Variants in PPFIA4 observed in about 807,000 individuals in gnomAD.
PPFIA4 encodes the protein liprin-alpha-4.
A neutral mutation model predicts 145.7 loss-of-function variants in PPFIA4; 98 were observed. The observed-to-expected ratio is 0.67, with a 90% CI of 0.57 to 0.80. The LOEUF (loss-of-function observed/expected upper bound fraction) is 0.80, where lower values mean the gene tolerates loss of function less well. PPFIA4 is among the 30% of genes least tolerant of loss of function. The pLI, the probability that PPFIA4 is intolerant of heterozygous loss-of-function variation, is 0.00. For missense variants in PPFIA4, 1,457 were observed against 1,632.7 expected (o/e 0.89, Z 1.85); for synonymous variants, 628 against 649.6 (o/e 0.97, Z 0.51).
rs1348912801 is a variant in PPFIA4 at position 203,026,838 on chromosome 1, TA to T, written c.-400+210del. Among the ~76,000 whole-genome samples the T allele has an allele frequency of 4.6e-5, 7 of 152,238 alleles. 1 individual carries two copies. Among genetic ancestry groups the T allele is most frequent in the African/African-American group, 1.7e-4 (7 of 41,566 alleles). Reference sequence around the variant, plus strand: ...TGCCCTGTGCCCTTGGGGGTGAGGATAGGGGCGATGCCTGATCTGCGGGGAG... The same window carrying T: ...TGCCCTGTGCCCTTGGGGGTGAGGATGGGGCGATGCCTGATCTGCGGGGAG... On this transcript the variant is annotated intron_variant, in intron 1 of 29. Transcript: ENST00000295706.
At chr1:203,040,007 G>A (rs1340952654) in intron 2 of PPFIA4, among the ~76,000 whole-genome samples, 1 of 152,236 alleles carries the variant, frequency 6.6e-6, no homozygotes, top group African/African-American at 2.4e-5. Flanking sequence ...TGGCCTGGGA[G>A]CTCCCTGCTG....
rs1662575287 is a variant in PPFIA4, at chr1:203,076,679, G to A, written c.*289G>A. On this transcript the variant is annotated 3_prime_UTR_variant, in exon 30 of 30. Coordinates refer to ENST00000295706, the MANE Select transcript of PPFIA4 (RefSeq NM_001304331.2). The stretch of plus-strand genomic sequence containing the variant: ...GGGGAAGGAGAGAAGGGCAGCTCAG[G>A]GTGGATGTGAAGCCACCCTTCCTCT... The A allele has an allele frequency of 1.0e-5, 5 of 494,978 alleles. No individual in the cohort carries two copies. The South Asian group carries it at 1.1e-4, about 11-fold the overall frequency. The allele number at this position is 494,978 out of a possible 1,614,324, so 30.7% of individuals were successfully genotyped here.
intron 1 of PPFIA4, among the ~76,000 whole-genome samples, chr1:203,033,474 C>G (rs1204759087): frequency 6.6e-6 from 1 of 152,172 alleles, no homozygotes; most frequent in Non-Finnish European, 1.5e-5. Context: ...CCGAGTTTTG[C>G]TGGGTGCTGA....
At chr1:203,035,214 TGAATAGCCCCTCA>T (rs1442440065) in intron 1 of PPFIA4, 1 of 441,946 alleles carries the variant, frequency 2.3e-6, no homozygotes, top group East Asian at 7.1e-5. Flanking sequence ...TTTGCCCAGC[TGAATAGCCCCTCA>T]GACGCTCCTA....
chr1:203,077,263 C>G lies in PPFIA4; in HGVS notation c.*873C>G, dbSNP rs1418572827. On this transcript the variant is annotated 3_prime_UTR_variant, in exon 30 of 30. Coordinates refer to ENST00000295706, the MANE Select transcript of PPFIA4 (RefSeq NM_001304331.2). Reference sequence around the variant, plus strand: ...ACCATCGGGTGGAGCTCCTGCTGGGCTATGGGGAAGGGAGGTTGTGCGGAT... The same window carrying G: ...ACCATCGGGTGGAGCTCCTGCTGGGGTATGGGGAAGGGAGGTTGTGCGGAT... 1 of 152,292 alleles carries G rather than the reference C, an allele frequency of 6.6e-6. No individual in the cohort carries two copies. The highest frequency in any genetic ancestry group is 1.5e-5 in the Non-Finnish European group (1 of 68,108). 9.4% of individuals were successfully genotyped at this position (152,292 alleles called of 1,614,324 possible). A position where few individuals can be genotyped will look rare whatever the true frequency, so the allele number is the denominator to read the frequency against.
chr1:203,064,504 C>T (rs1453618943), intron 25 of PPFIA4, among the ~76,000 whole-genome samples: 3 of 152,158 alleles, frequency 2.0e-5, no homozygotes, highest in South Asian at 2.1e-4. Flanking sequence ...ATCATCCAGT[C>T]CTCTCCTCCT....
chr1:203,051,924 C>T, intron 14 of PPFIA4, 47 bp downstream of exon 14: 1 of 1,585,218 alleles, frequency 6.3e-7, no homozygotes, highest in Non-Finnish European at 8.6e-7. Context: ...GTCAATTCGG[C>T]CGCGTGCCTG....
At chr1:203,028,244 G>A (rs565617865) in intron 1 of PPFIA4, among the ~76,000 whole-genome samples, 1 of 152,260 alleles carries the variant, frequency 6.6e-6, no homozygotes, top group Admixed American at 6.5e-5. Context: ...TCAGAACCGT[G>A]TGGTGCATGA....
At chr1:203,049,396 T>C (rs1242786730) in intron 12 of PPFIA4, among the ~76,000 whole-genome samples, 1 of 152,300 alleles carries the variant, frequency 6.6e-6, no homozygotes, top group South Asian at 2.1e-4. Context: ...ATCTGTGCAG[T>C]AGTGAGGGGT....
intron 12 of PPFIA4, 85 bp downstream of exon 12, chr1:203,049,065 C>T (rs1445976923): frequency 2.3e-6 from 3 of 1,281,412 alleles, no homozygotes; most frequent in Non-Finnish European, 3.3e-6. Context: ...CGCTGCTGCT[C>T]TGATACCTGG....
chr1:203,030,377 GT>G (rs1047975204), intron 1 of PPFIA4, among the ~76,000 whole-genome samples: 6 of 152,188 alleles, frequency 3.9e-5, no homozygotes, highest in African/African-American at 1.4e-4. Flanking sequence ...GGCCTGGGGA[GT>G]GGGGCCGGGC....
chr1:203,046,840 A>G (rs1660123598), intron 9 of PPFIA4, among the ~76,000 whole-genome samples: 1 of 152,114 alleles, frequency 6.6e-6, no homozygotes, highest in Non-Finnish European at 1.5e-5. Flanking sequence ...TTGATTGCCA[A>G]ATTGAAGCTT....
intron 26 of PPFIA4, 92 bp downstream of exon 26, chr1:203,067,884 A>C (rs1661845254): frequency 4.6e-6 from 5 of 1,094,272 alleles, no homozygotes; most frequent in African/African-American, 1.5e-5. Flanking sequence ...TCTGTGTCTC[A>C]GGGAATCTTC....
rs140529700 is a variant in PPFIA4, at chr1:203,027,854, T to C, written c.-400+1225T>C. ...CCCATTCTGTTACATTGCTGTTGGA[T>C]TAGAAAAAGAAAGAACTGTGTCCAC... On this transcript the variant is annotated intron_variant, in intron 1 of 29. Coordinates refer to ENST00000295706, the MANE Select transcript of PPFIA4 (RefSeq NM_001304331.2). Among the ~76,000 whole-genome samples the C allele has an allele frequency of 7.6e-4, 115 of 152,220 alleles. No homozygotes were observed. In the East Asian group the frequency reaches 0.02, roughly 27 times the overall value.
rs1385138354 is a variant in PPFIA4, at chr1:203,048,322, A to G, written c.1224+12A>G. 4 of 1,610,866 alleles carry G rather than the reference A, an allele frequency of 2.5e-6. No homozygotes were observed. The highest frequency in any genetic ancestry group is 1.1e-5 in the South Asian group (1 of 90,596). On this transcript the variant is annotated intron_variant, in intron 10 of 29. Coordinates refer to ENST00000295706, the MANE Select transcript of PPFIA4 (RefSeq NM_001304331.2). This position sits in a 1 kb window ranked among gnomAD's most constrained non-coding sequence, Gnocchi z 5.8. ...AGGAGCTGGCACGGGTGAGGGCACC[A>G]GGCCGGGCCCTCAGGCCCCCTCCTT... is the stretch of plus-strand genomic sequence containing the variant.
Position 203,076,721 on chromosome 1 carries a change from TCTGCA to T in PPFIA4, c.*337_*341del, listed in dbSNP as rs954540802. ...CCTTCCTCTTCTGGACCCAGCCTGG[TCTGCA>T]CTGCAACCTCCACCAGGACCAGGAT... On this transcript the variant is annotated 3_prime_UTR_variant, in exon 30 of 30. Transcript: ENST00000295706. The T allele has an allele frequency of 3.6e-5, 14 of 389,288 alleles. No homozygotes were observed. Among genetic ancestry groups the T allele is most frequent in the African/African-American group, 2.3e-4 (11 of 48,884 alleles). 24.1% of individuals were successfully genotyped at this position (389,288 alleles called of 1,614,324 possible).
chr1:203,067,630 G>C, intron 25 of PPFIA4, 65 bp from the exon 26 acceptor site: 1 of 1,401,822 alleles, frequency 7.1e-7, no homozygotes, highest in Non-Finnish European at 1.0e-6. Flanking sequence ...GATGCTGGAT[G>C]TGAGACAGGT....
intron 19 of PPFIA4, among the ~76,000 whole-genome samples, chr1:203,057,592 A>G (rs1230894550): frequency 6.6e-6 from 1 of 151,870 alleles, no homozygotes; most frequent in East Asian, 1.9e-4. Flanking sequence ...TCTTTCTGTC[A>G]TCTATTCAGC....
At chr1:203,076,038 C>T (rs961156842) in intron 29 of PPFIA4, 19 of 583,116 alleles carry the variant, frequency 3.3e-5, no homozygotes, top group Non-Finnish European at 3.0e-6. Context: ...CCCCCATCCT[C>T]CCGCCCCGGG....
Sources: gnomAD v4.1 joint callset for allele counts (sites outside exome capture counted in the v4.1 genomes callset) on GRCh38, gnomAD v4.1.1 for gene constraint, Gnocchi (gnomAD v3.1) non-coding constraint, MANE v1.5 for transcripts, NCBI Gene and HGNC (gene_info 2026-07-23, HGNC 2026-07-21) for gene names.